C8orf74: variants seen among roughly 807,000 people sequenced by gnomAD.
C8orf74 encodes chromosome 8 open reading frame 74, also known as uncharacterized protein C8orf74.
A neutral mutation model predicts 22.2 loss-of-function variants in C8orf74; 29 were observed. That is an observed-to-expected ratio of 1.31 (90% CI 0.97 to 1.78). C8orf74 has a LOEUF of 1.78. Among genes scored for constraint, C8orf74 ranks in the 40% most tolerant of loss-of-function variants. The probability of loss-of-function intolerance (pLI) is 0.00; values close to 1 mark genes in which losing one functional copy is unlikely to be tolerated. For missense variants in C8orf74, 515 were observed against 369.9 expected (o/e 1.39, Z -3.22); for synonymous variants, 255 against 163.1 (o/e 1.56, Z -4.30).
intron 2 of C8orf74, chr8:10,691,369 A>T (rs1193292409): frequency 5.8e-6 from 1 of 172,856 alleles, no homozygotes; most frequent in Non-Finnish European, 1.3e-5. Context: ...GGTTTTGTGT[A>T]CGGCTGCTGG....
chr8:10,690,640 G>T (rs1799358609), intron 2 of C8orf74, among the ~76,000 whole-genome samples: 3 of 152,148 alleles, frequency 2.0e-5, no homozygotes, highest in South Asian at 4.1e-4. Context: ...ACACCCAGAA[G>T]GAGCAGCCTT....
At position 10,697,791 on chromosome 8, in the gene C8orf74, G is replaced by T. The variant is rs77073793; in HGVS notation, c.434G>T (p.Cys145Phe). The change falls in exon 3 of 4, where the codon TGC (cysteine) becomes TTC (phenylalanine). Residue 145 changes from cysteine to phenylalanine, a missense_variant. Transcript: ENST00000304519. ...VDLTVAHLEV[C>F]MPPHPLPLAE... ...CTGACCGTTGCCCACCTGGAGGTGT[G>T]CATGCCACCCCATCCCCTCCCGCTG... 7.5e-3 allele frequency: 12,075 copies of T among 1,613,982 alleles called. 644 individuals carry two copies. The East Asian group carries it at 0.13, about 18-fold the overall frequency.
At chr8:10,684,628 G>A (rs932212182) in intron 2 of C8orf74, among the ~76,000 whole-genome samples, 1 of 152,244 alleles carries the variant, frequency 6.6e-6, no homozygotes, top group Admixed American at 6.5e-5. Flanking sequence ...AGGGGTGCCT[G>A]AAACAGGGGA....
At position 10,697,378 on chromosome 8, in the gene C8orf74, C is replaced by CGAGCTGCAGCTGCAGT. The variant is rs966185529; in HGVS notation, c.242-215_242-200dup. ...TGAGCCTGGAAGTTGGCGGCTGCAG[C>CGAGCTGCAGCTGCAGT]GAGCTGCAGCTGCAGTGAGCTACGA... On this transcript the variant is annotated intron_variant, in intron 2 of 3. Transcript: ENST00000304519. Among the ~76,000 whole-genome samples the CGAGCTGCAGCTGCAGT allele has an allele frequency of 2.6e-5, 4 of 152,144 alleles. No homozygotes were observed. The East Asian group carries it at 5.8e-4, about 22-fold the overall frequency.
At chr8:10,692,814 T>G (rs1799410451) in intron 2 of C8orf74, 1 of 152,184 alleles carries the variant, frequency 6.6e-6, no homozygotes, top group Non-Finnish European at 1.5e-5. Context: ...AGTCTCTCCT[T>G]CTCTGCAGAG....
intron 2 of C8orf74, among the ~76,000 whole-genome samples, chr8:10,682,457 C>T (rs558150081): frequency 6.6e-6 from 1 of 152,282 alleles, no homozygotes; most frequent in East Asian, 1.9e-4. Context: ...GCTCGTTTCT[C>T]CCGAAGCCTC....
chr8:10,689,431 G>A (rs1799328245), intron 2 of C8orf74: 2 of 152,208 alleles, frequency 1.3e-5, no homozygotes, highest in Admixed American at 1.3e-4. Flanking sequence ...GATCTGCTAA[G>A]CTCATTTGCA....
At chr8:10,672,817 A>G in intron 1 of C8orf74, 104 bp downstream of exon 1, 1 of 990,660 alleles carries the variant, frequency 1.0e-6, no homozygotes, top group Non-Finnish European at 1.5e-6. Flanking sequence ...CGGGGCAGCC[A>G]CCCCGGCTCA....
intron 2 of C8orf74, among the ~76,000 whole-genome samples, chr8:10,683,123 G>C (rs971832315): frequency 6.6e-6 from 1 of 152,238 alleles, no homozygotes; most frequent in Non-Finnish European, 1.5e-5. Context: ...CCCCCATGGC[G>C]AGTGGGCCAG....
chr8:10,680,804 C>G (rs4531009), intron 2 of C8orf74, among the ~76,000 whole-genome samples: 152,043 of 152,282 alleles, frequency 1, 75,910 homozygotes, highest in Non-Finnish European at 1. Context: ...GCTGGCGTAG[C>G]TGGCAAGTCA....
At chr8:10,687,294 C>A in intron 2 of C8orf74, 2 of 339,826 alleles carry the variant, frequency 5.9e-6, no homozygotes, top group Non-Finnish European at 5.9e-6. Context: ...CTGCCCATGT[C>A]TCTTATACCA....
intron 2 of C8orf74, among the ~76,000 whole-genome samples, chr8:10,694,632 C>G (rs935653897): frequency 1.3e-5 from 2 of 152,170 alleles, no homozygotes; most frequent in Admixed American, 1.3e-4. Flanking sequence ...GATATTTAAC[C>G]TTTTATTTGT....
chr8:10,679,812 C>G, intron 2 of C8orf74: 1 of 152,960 alleles, frequency 6.5e-6, no homozygotes, highest in Admixed American at 6.5e-5. Context: ...GTGCCTGGCC[C>G]GGCTCCTTCC....
At chr8:10,698,406 T>C (rs1464790942) in intron 3 of C8orf74, among the ~76,000 whole-genome samples, 4 of 151,630 alleles carry the variant, frequency 2.6e-5, no homozygotes, top group Non-Finnish European at 4.4e-5. Context: ...GGCATGCCCC[T>C]AGGATGGGGG....
chr8:10,683,005 A>T (rs1418638615), intron 2 of C8orf74, among the ~76,000 whole-genome samples: 1 of 152,220 alleles, frequency 6.6e-6, no homozygotes, highest in Non-Finnish European at 1.5e-5. Flanking sequence ...TTGGGATTTG[A>T]ACCCAGGTCA....
chr8:10,699,475 T>G (rs6982679), intron 3 of C8orf74, among the ~76,000 whole-genome samples: 22,076 of 152,262 alleles, frequency 0.14, 4,622 homozygotes, highest in African/African-American at 0.46. Flanking sequence ...ATGCACTACA[T>G]CCAACCAGTT....
intron 2 of C8orf74, among the ~76,000 whole-genome samples, chr8:10,675,116 C>T (rs1249625926): frequency 6.6e-6 from 1 of 152,220 alleles, no homozygotes; most frequent in Non-Finnish European, 1.5e-5. Context: ...GTTTTGTTTT[C>T]GTTTGGTTTT....
chr8:10,681,931 G>T (rs59080221), intron 2 of C8orf74, among the ~76,000 whole-genome samples: 5,250 of 152,280 alleles, frequency 0.034, 297 homozygotes, highest in African/African-American at 0.12. Context: ...GGTAGCCTAG[G>T]ATGGGAAGGC....
At chr8:10,684,895 T>A (rs1326221939) in intron 2 of C8orf74, among the ~76,000 whole-genome samples, 1 of 152,130 alleles carries the variant, frequency 6.6e-6, no homozygotes, top group African/African-American at 2.4e-5. Context: ...GACTTGAGCA[T>A]GAACGCTGAG....
Sources: allele counts gnomAD v4.1 joint callset (sites outside exome capture counted in the v4.1 genomes callset), GRCh38; gene constraint gnomAD v4.1.1; transcripts MANE v1.5; gene names NCBI Gene and HGNC (gene_info 2026-07-23, HGNC 2026-07-21).